The following DENND1A variants were observed in gnomAD, a reference collection of about 807,000 sequenced individuals.
DENND1A encodes DENN domain-containing protein 1A.
Under a neutral mutation model 113.7 loss-of-function variants are expected in DENND1A, and 51 were observed. The ratio of observed to expected loss-of-function variants is 0.45; its 90% CI spans 0.36 to 0.57. The LOEUF is 0.57. DENND1A is among the 20% of genes least tolerant of loss of function. The pLI, the probability that DENND1A is intolerant of heterozygous loss-of-function variation, is 0.00. For missense variants in DENND1A, 1,258 were observed against 1,395.9 expected, an observed-to-expected ratio of 0.90 and a Z score of 1.57; for synonymous variants, 565 against 570.8, an observed-to-expected ratio of 0.99 and a Z score of 0.14.
intron 2 of DENND1A, among the ~76,000 whole-genome samples, chr9:123,870,272 T>C (rs1476339251): frequency 6.8e-6 from 1 of 147,368 alleles, no homozygotes; most frequent in Non-Finnish European, 1.5e-5. Flanking sequence ...TTAATCAGCT[T>C]TTTTTTTTTT....
intron 1 of DENND1A, among the ~76,000 whole-genome samples, chr9:123,924,837 G>T (rs534308523): frequency 6.6e-6 from 1 of 152,184 alleles, no homozygotes; most frequent in African/African-American, 2.4e-5. Context: ...CAAACCCACT[G>T]GCCTTCTGTC....
chr9:123,552,979 A>C (rs1265403841), intron 13 of DENND1A, among the ~76,000 whole-genome samples: 2 of 152,262 alleles, frequency 1.3e-5, no homozygotes. Context: ...CATGCCGGGC[A>C]CGGTGGCTCA....
chr9:123,632,951 A>G (rs1369934444), intron 9 of DENND1A, among the ~76,000 whole-genome samples: 1 of 152,076 alleles, frequency 6.6e-6, no homozygotes, highest in Non-Finnish European at 1.5e-5. Flanking sequence ...TCTGTCACCC[A>G]GGCTGGAGTG....
intron 11 of DENND1A, among the ~76,000 whole-genome samples, chr9:123,607,547 A>AGTGTGTGT (rs555605927): frequency 2.9e-5 from 2 of 68,096 alleles, no homozygotes; most frequent in East Asian, 4.9e-4. Context: ...AGAGAGAGAG[A>AGTGTGTGT]GTGTGTGTGT....
At chr9:123,640,868 C>T (rs560487111) in intron 9 of DENND1A, among the ~76,000 whole-genome samples, 3 of 152,322 alleles carry the variant, frequency 2.0e-5, no homozygotes, top group East Asian at 1.9e-4. Flanking sequence ...AAGTACAAGG[C>T]GGAGGCAGAA....
At chr9:123,619,560 C>T (rs779651792) in intron 10 of DENND1A, among the ~76,000 whole-genome samples, 5 of 152,110 alleles carry the variant, frequency 3.3e-5, no homozygotes, top group Admixed American at 2.6e-4. Flanking sequence ...GCTGGGACTA[C>T]GGGTACACAC....
chr9:123,929,023 GC>G, intron 1 of DENND1A: 1 of 566,890 alleles, frequency 1.8e-6, no homozygotes, highest in Non-Finnish European at 2.2e-6. Flanking sequence ...GAAGGGAGAG[GC>G]CACAAGAGGA....
intron 2 of DENND1A, among the ~76,000 whole-genome samples, chr9:123,830,841 G>C (rs1261227820): frequency 7.8e-6 from 1 of 127,586 alleles, no homozygotes; most frequent in African/African-American, 3.0e-5. Context: ...ACTCCAGCCT[G>C]GGTGACAAGA....
chr9:123,675,285 T>G (rs965212409), intron 6 of DENND1A, among the ~76,000 whole-genome samples: 3 of 152,204 alleles, frequency 2.0e-5, no homozygotes, highest in Admixed American at 1.3e-4. Flanking sequence ...CAGGAAACAC[T>G]GCTATCTCAG....
chr9:123,792,600 T>A lies in DENND1A; in HGVS notation c.119A>T (p.Asp40Val), dbSNP rs1833153665. 1 of 1,612,952 alleles carries A rather than the reference T, an allele frequency of 6.2e-7. No homozygotes were observed. Among genetic ancestry groups the A allele is most frequent in the Non-Finnish European group, 8.5e-7 (1 of 1,179,380 alleles). Residue 40 changes from aspartate to valine, a missense_variant, in exon 3 of 24, where the codon GAC becomes GTC. By Grantham distance (152) the Asp-to-Val change is radical (BLOSUM62 -3). Coordinates refer to ENST00000394215, the MANE Select transcript of DENND1A (RefSeq NM_001352964.2). ...CGCATTCCGAACCTGGTCACTGTAGTCCTCCGGGAATTGCCTCTGCACCTC... is the reference window on the plus strand; with the variant it reads ...CGCATTCCGAACCTGGTCACTGTAGACCTCCGGGAATTGCCTCTGCACCTC... Reference protein sequence around the residue: ...DPEVQRQFPEDYSDQEVLQTL... With the variant: ...DPEVQRQFPEVYSDQEVLQTL...
At chr9:123,543,816 A>C (rs763490478) in intron 13 of DENND1A, among the ~76,000 whole-genome samples, 2 of 152,154 alleles carry the variant, frequency 1.3e-5, no homozygotes, top group Non-Finnish European at 2.9e-5. Context: ...ACATTCTACT[A>C]TAGCAGTTCC....
intron 17 of DENND1A, among the ~76,000 whole-genome samples, chr9:123,451,054 G>A (rs955554815): frequency 6.6e-6 from 1 of 152,024 alleles, no homozygotes; most frequent in Middle Eastern, 3.2e-3. Context: ...CCTGGTGACA[G>A]CTACCAGTAA....
chr9:123,534,879 T>C (rs147612662), intron 13 of DENND1A, among the ~76,000 whole-genome samples: 2 of 152,238 alleles, frequency 1.3e-5, no homozygotes, highest in Non-Finnish European at 2.9e-5. Flanking sequence ...GTTGCAAGTA[T>C]TATCTTCCTG....
chr9:123,719,839 T>C (rs1029852827), intron 5 of DENND1A, among the ~76,000 whole-genome samples: 2 of 152,204 alleles, frequency 1.3e-5, no homozygotes, highest in Non-Finnish European at 2.9e-5. Context: ...CATCACATAA[T>C]GTCAGGTGTG....
At chr9:123,585,826 T>TA (rs1488782147) in intron 11 of DENND1A, among the ~76,000 whole-genome samples, 1 of 152,190 alleles carries the variant, frequency 6.6e-6, no homozygotes, top group Non-Finnish European at 1.5e-5. Flanking sequence ...TCTGTAAAAT[T>TA]AAAATGCTAA....
chr9:123,643,839 C>T (rs545690992), intron 9 of DENND1A, among the ~76,000 whole-genome samples: 1 of 152,200 alleles, frequency 6.6e-6, no homozygotes, highest in Non-Finnish European at 1.5e-5. Flanking sequence ...TAGTGTCAGG[C>T]GCACAGACAG....
chr9:123,582,823 C>T (rs966611505), intron 12 of DENND1A, among the ~76,000 whole-genome samples: 1 of 152,130 alleles, frequency 6.6e-6, no homozygotes, highest in East Asian at 1.9e-4. Context: ...CCTCAGCTCC[C>T]GAGTAGCTGG....
intron 11 of DENND1A, among the ~76,000 whole-genome samples, chr9:123,583,821 T>C (rs1564764172): frequency 6.6e-6 from 1 of 152,190 alleles, no homozygotes; most frequent in Non-Finnish European, 1.5e-5. Flanking sequence ...TCCACAGATA[T>C]CCAGTTAGTA....
intron 12 of DENND1A, among the ~76,000 whole-genome samples, chr9:123,578,784 G>A (rs1348249393): frequency 6.6e-6 from 1 of 152,170 alleles, no homozygotes; most frequent in Non-Finnish European, 1.5e-5. Flanking sequence ...GGGCTGTGGG[G>A]ACATAGAGAA....
Sources: gnomAD v4.1 joint callset for allele counts (sites outside exome capture counted in the v4.1 genomes callset) on GRCh38, gnomAD v4.1.1 for gene constraint, MANE v1.5 for transcripts, NCBI Gene and HGNC (gene_info 2026-07-23, HGNC 2026-07-21) for gene names.